MRPL13: variants seen among roughly 807,000 people sequenced by gnomAD.
MRPL13 encodes the protein large ribosomal subunit protein uL13m.
A neutral mutation model predicts 29.0 loss-of-function variants in MRPL13; 33 were observed. The ratio of observed to expected loss-of-function variants is 1.14; its 90% CI spans 0.86 to 1.52. The LOEUF is 1.52. Among genes scored for constraint, MRPL13 ranks in the 40% most tolerant of loss-of-function variants. MRPL13 has a pLI of 0.00. For missense variants in MRPL13, 227 were observed against 216.7 expected (o/e 1.05, Z -0.30); for synonymous variants, 77 against 68.4 (o/e 1.13, Z -0.62).
intron 5 of MRPL13, 58 bp from the exon 6 acceptor site, chr8:120,414,170 T>A: frequency 8.2e-7 from 1 of 1,222,538 alleles, no homozygotes; most frequent in South Asian, 2.0e-5. Flanking sequence ...TAGCAATAAA[T>A]TACTAATACT....
At chr8:120,427,672 C>CAG (rs1812946437) in intron 3 of MRPL13, among the ~76,000 whole-genome samples, 1 of 151,838 alleles carries the variant, frequency 6.6e-6, no homozygotes, top group South Asian at 2.1e-4. Context: ...CCAAAGAAAC[C>CAG]AGAGATGAAG....
Position 120,402,671 on chromosome 8 carries a change from G to A in MRPL13, c.516-6546C>T, listed in dbSNP as rs148801139. 2.8e-3 allele frequency among the ~76,000 whole-genome samples: 421 copies of A among 152,158 alleles called. 2 individuals are homozygous for A. Among genetic ancestry groups the A allele is most frequent in the African/African-American group, 8.9e-3 (368 of 41,530 alleles). On this transcript the variant is annotated intron_variant, in intron 6 of 6. Coordinates refer to ENST00000306185, the MANE Select transcript of MRPL13 (RefSeq NM_014078.6). ...ATGGGATCTAATTAAACTAAAGAGC[G>A]TCTGTACAGCAAAATAAACTAGCAT... is the stretch of plus-strand genomic sequence containing the variant.
At chr8:120,428,221 C>A (rs890903842) in intron 3 of MRPL13, among the ~76,000 whole-genome samples, 1 of 151,134 alleles carries the variant, frequency 6.6e-6, no homozygotes, top group Non-Finnish European at 1.5e-5. Context: ...CTTTGACAAA[C>A]CTGGCCAAAA....
intron 4 of MRPL13, among the ~76,000 whole-genome samples, chr8:120,422,017 GA>G (rs1011721806): frequency 1.0e-4 from 15 of 149,772 alleles, no homozygotes; most frequent in South Asian, 2.1e-4. Flanking sequence ...CACTAGTTAT[GA>G]AAAAAAAATT....
At chr8:120,440,392 C>T (rs565363310) in intron 2 of MRPL13, among the ~76,000 whole-genome samples, 2 of 152,046 alleles carry the variant, frequency 1.3e-5, no homozygotes, top group African/African-American at 2.4e-5. Context: ...GGATCACCTG[C>T]GGTCAGGAGT....
chr8:120,410,020 TA>T (rs1285639044), intron 6 of MRPL13, among the ~76,000 whole-genome samples: 1 of 152,218 alleles, frequency 6.6e-6, no homozygotes, highest in Non-Finnish European at 1.5e-5. Context: ...GCAATTTTGT[TA>T]ATCATCTACT....
intron 2 of MRPL13, among the ~76,000 whole-genome samples, chr8:120,434,473 A>G (rs568733774): frequency 2.6e-5 from 4 of 152,248 alleles, no homozygotes; most frequent in East Asian, 1.9e-4. Context: ...TATATGGCTA[A>G]TAAGTGGTAA....
chr8:120,412,407 C>A (rs377469010), intron 6 of MRPL13, among the ~76,000 whole-genome samples: 22 of 152,304 alleles, frequency 1.4e-4, no homozygotes, highest in East Asian at 1.2e-3. Context: ...ACTTAGTCAA[C>A]ACTTCAAGTG....
At chr8:120,435,943 A>G (rs1442631527) in intron 2 of MRPL13, among the ~76,000 whole-genome samples, 1 of 152,076 alleles carries the variant, frequency 6.6e-6, no homozygotes, top group Admixed American at 6.6e-5. Context: ...GTGTCTCTTT[A>G]TGTATGTCCT....
intron 6 of MRPL13, among the ~76,000 whole-genome samples, chr8:120,403,150 A>T (rs1046075468): frequency 3.9e-5 from 6 of 152,216 alleles, no homozygotes; most frequent in Non-Finnish European, 7.3e-5. Context: ...ATTTCTGGGT[A>T]TATACCCAAA....
chr8:120,445,117 A>G lies in MRPL13; in HGVS notation c.-23T>C, dbSNP rs1813191315. On this transcript the variant is annotated 5_prime_UTR_variant, in exon 1 of 7. Coordinates refer to ENST00000306185, the MANE Select transcript of MRPL13 (RefSeq NM_014078.6). ...CATATTCCTCTACTAGCAGGACCGT[A>G]CGTCCTTCTCCTAGTAGCCACGCCG... is the stretch of plus-strand genomic sequence containing the variant. 1 of 1,613,754 alleles carries G rather than the reference A, an allele frequency of 6.2e-7. No homozygotes were observed. Among genetic ancestry groups the G allele is most frequent in the Non-Finnish European group, 8.5e-7 (1 of 1,179,916 alleles).
Position 120,414,054 on chromosome 8 carries a change from A to AT in MRPL13, c.451dup (p.Ile151AsnfsTer3). On this transcript the variant is annotated frameshift_variant, in exon 6 of 7. Transcript: ENST00000306185. LOFTEE classifies it high-confidence loss of function. ...TGTGTACTCATCTAGACGTTTAGGT[A>AT]TTTTTCGTGGTTGAGGAAGCTCCTC... The AT allele has an allele frequency of 1.9e-6, 3 of 1,602,304 alleles. No individual in the cohort carries two copies. The highest frequency in any genetic ancestry group is 2.6e-6 in the Non-Finnish European group (3 of 1,175,432).
chr8:120,422,413 C>G (rs1238025858), intron 4 of MRPL13, among the ~76,000 whole-genome samples: 1 of 151,326 alleles, frequency 6.6e-6, no homozygotes, highest in Admixed American at 6.6e-5. Flanking sequence ...GAGACTTTGC[C>G]TTTAGCAATA....
intron 2 of MRPL13, among the ~76,000 whole-genome samples, chr8:120,442,801 A>C (rs1813139342): frequency 6.6e-6 from 1 of 152,194 alleles, no homozygotes; most frequent in Non-Finnish European, 1.5e-5. Context: ...TCTAGGGGAA[A>C]AGATTTTTTA....
intron 3 of MRPL13, among the ~76,000 whole-genome samples, chr8:120,427,280 G>C (rs1235376790): frequency 6.6e-6 from 1 of 152,126 alleles, no homozygotes; most frequent in South Asian, 2.1e-4. Flanking sequence ...AGATAATACT[G>C]TGCCTGCACA....
At chr8:120,419,969 A>T in intron 4 of MRPL13, 31 bp from the exon 5 acceptor site, 1 of 1,417,268 alleles carries the variant, frequency 7.1e-7, no homozygotes, top group Non-Finnish European at 9.5e-7. Context: ...ACAATAAGAA[A>T]ATTGTGACTT....
At chr8:120,420,289 G>T (rs1336276852) in intron 4 of MRPL13, among the ~76,000 whole-genome samples, 2 of 150,996 alleles carry the variant, frequency 1.3e-5, no homozygotes, top group Non-Finnish European at 3.0e-5. Flanking sequence ...TTAGAATAGG[G>T]TTACTTTGTT....
Position 120,395,540 on chromosome 8 carries a change from C to G in MRPL13, c.*564G>C, listed in dbSNP as rs1292929068. On this transcript the variant is annotated 3_prime_UTR_variant, in exon 7 of 7. Coordinates refer to ENST00000306185, the MANE Select transcript of MRPL13 (RefSeq NM_014078.6). ...GGAAGAGGGATTTCTAACGAGCAGA[C>G]AGGCATTATGTATTCTGGTGTCATT... The G allele has an allele frequency of 6.6e-6, 1 of 152,376 alleles. No individual in the cohort carries two copies. The highest frequency in any genetic ancestry group is 1.5e-5 in the Non-Finnish European group (1 of 68,246). The allele number at this position is 152,376 out of a possible 1,614,324, so 9.4% of individuals were successfully genotyped here.
In MRPL13 at chr8:120,405,338, A is replaced by C. The variant is rs376253832; in HGVS notation, c.515+8653T>G. On this transcript the variant is annotated intron_variant, in intron 6 of 6. Transcript: ENST00000306185. ...ACAACGAAATTCAAGGTAATATAAG[A>C]AAGGGGAGGAGAGGGCTATTTATGT... Among the ~76,000 whole-genome samples, 141 of 152,338 alleles carry C rather than the reference A, an allele frequency of 9.3e-4. 2 individuals are homozygous for C. The South Asian group carries it at 0.029, about 31-fold the overall frequency.
Sources: allele counts gnomAD v4.1 joint callset (sites outside exome capture counted in the v4.1 genomes callset), GRCh38; gene constraint gnomAD v4.1.1; transcripts MANE v1.5; gene names NCBI Gene and HGNC (gene_info 2026-07-23, HGNC 2026-07-21).